ABI3BP: variants seen among roughly 807,000 people sequenced by gnomAD.
ABI3BP encodes the protein ABI family member 3 binding protein.
Under a neutral mutation model 268.6 loss-of-function variants are expected in ABI3BP, and 216 were observed. The ratio of observed to expected loss-of-function variants is 0.80; its 90% CI spans 0.72 to 0.90. The LOEUF (loss-of-function observed/expected upper bound fraction) is 0.90, where lower values mean the gene tolerates loss of function less well. Ranked by LOEUF, ABI3BP falls within the 40% of genes least tolerant of loss-of-function variation. The pLI, the probability that ABI3BP is intolerant of heterozygous loss-of-function variation, is 0.00. For synonymous variants in ABI3BP, 730 were observed against 730.0 expected, an observed-to-expected ratio of 1.00 and a Z score of 0.00; for missense variants, 2,090 against 2,182.4, an observed-to-expected ratio of 0.96 and a Z score of 0.84.
intron 2 of ABI3BP, among the ~76,000 whole-genome samples, chr3:100,907,491 TG>T (rs553808691): frequency 2.0e-5 from 3 of 151,564 alleles, no homozygotes; most frequent in East Asian, 1.9e-4. Context: ...GACCTTGTTT[TG>T]GGGGGGGAAT....
At chr3:100,753,303 T>C (rs1189052152) in intron 65 of ABI3BP, among the ~76,000 whole-genome samples, 3 of 151,620 alleles carry the variant, frequency 2.0e-5, no homozygotes, top group Non-Finnish European at 2.9e-5. Context: ...GGTGTTAATA[T>C]CTTTTTTTTT....
Position 100,821,035 on chromosome 3 carries a change from G to A in ABI3BP, c.2947+19C>T. The A allele has an allele frequency of 1.3e-6, 2 of 1,531,540 alleles. No homozygotes were observed. Among genetic ancestry groups the A allele is most frequent in the South Asian group, 1.2e-5 (1 of 83,936 alleles). The allele number at this position is 1,531,540 out of a possible 1,614,324, so 94.9% of individuals were successfully genotyped here. ...ATGAGAAGGAAGAACACTTAATGAGGATTGCAACGTGCTATTACCTTGTGT... is the reference window on the plus strand; with the variant it reads ...ATGAGAAGGAAGAACACTTAATGAGAATTGCAACGTGCTATTACCTTGTGT... On this transcript the variant is annotated intron_variant, in intron 39 of 67. Coordinates refer to ENST00000471714, the MANE Select transcript of ABI3BP (RefSeq NM_001375547.2).
chr3:100,967,225 G>C (rs2081670152), intron 1 of ABI3BP, among the ~76,000 whole-genome samples: 2 of 152,218 alleles, frequency 1.3e-5, no homozygotes, highest in South Asian at 2.1e-4. Context: ...TTGAGGGCTA[G>C]GTGCGGTGGC....
Position 100,862,337 on chromosome 3 carries a change from T to C in ABI3BP, c.1259A>G (p.Asp420Gly). Residue 420 changes from aspartate (D) to glycine (G), a missense_variant, in exon 14 of 68, where the codon GAT becomes GGT. Physicochemically the swap from Asp to Gly is moderately conservative, Grantham distance 94. Coordinates refer to ENST00000471714, the MANE Select transcript of ABI3BP (RefSeq NM_001375547.2). ...AGTTTGAGGCTGCAGAACTTTGGAA[T>C]CTTCAGATATTTTAGCTGTAGGCAC... ...WIVPTAKISE[D>G]SKVLQPQTAT... is the part of the protein sequence containing the mutation. 1.2e-6 allele frequency: 2 copies of C among 1,604,410 alleles called. No individual in the cohort carries two copies. Among genetic ancestry groups the C allele is most frequent in the Non-Finnish European group, 1.7e-6 (2 of 1,175,926 alleles).
At chr3:100,903,964 A>G (rs1582783748) in intron 2 of ABI3BP, among the ~76,000 whole-genome samples, 2 of 152,206 alleles carry the variant, frequency 1.3e-5, no homozygotes, top group Non-Finnish European at 2.9e-5. Context: ...TTGAAAGCAC[A>G]TCTTGCTTAG....
chr3:100,849,760 T>C (rs1434919995), intron 17 of ABI3BP, among the ~76,000 whole-genome samples: 2 of 152,208 alleles, frequency 1.3e-5, no homozygotes, highest in Admixed American at 6.5e-5. Context: ...TATTTTGAAA[T>C]AATTATCTAT....
At chr3:100,768,001 T>G (rs2096363705) in intron 62 of ABI3BP, among the ~76,000 whole-genome samples, 1 of 152,092 alleles carries the variant, frequency 6.6e-6, no homozygotes, top group Non-Finnish European at 1.5e-5. Context: ...CTCAACTGTA[T>G]GACATTCTTC....
intron 6 of ABI3BP, among the ~76,000 whole-genome samples, chr3:100,880,537 C>A (rs1168410818): frequency 1.3e-5 from 2 of 152,084 alleles, no homozygotes; most frequent in African/African-American, 4.8e-5. Flanking sequence ...TGGTTAAGAT[C>A]GTTTATTTTT....
intron 20 of ABI3BP, among the ~76,000 whole-genome samples, chr3:100,842,541 C>A (rs1409986240): frequency 6.6e-6 from 1 of 152,194 alleles, no homozygotes; most frequent in Non-Finnish European, 1.5e-5. Context: ...CATATGATGC[C>A]TCCTGTATTC....
intron 57 of ABI3BP, among the ~76,000 whole-genome samples, chr3:100,781,281 C>A (rs138370356): frequency 7.0e-4 from 107 of 152,182 alleles, no homozygotes; most frequent in African/African-American, 2.4e-3. Flanking sequence ...AGAAGCTTTG[C>A]CTCCCAAAAA....
chr3:100,959,489 C>CAAAAAAAAA (rs35465693), intron 1 of ABI3BP, among the ~76,000 whole-genome samples: 3 of 36,088 alleles, frequency 8.3e-5, no homozygotes, highest in African/African-American at 1.1e-4. Flanking sequence ...GACTCCGTCT[C>CAAAAAAAAA]AAAAAAAAAA....
At chr3:100,832,446 T>G in intron 30 of ABI3BP, 96 bp from the exon 31 acceptor site, 4 of 1,158,344 alleles carry the variant, frequency 3.5e-6, no homozygotes, top group Non-Finnish European at 4.8e-6. Flanking sequence ...CTTGTTAGAG[T>G]TTGAGTTGAC....
chr3:100,898,251 T>C (rs2048603799), intron 4 of ABI3BP, among the ~76,000 whole-genome samples: 1 of 152,196 alleles, frequency 6.6e-6, no homozygotes, highest in Admixed American at 6.5e-5. Flanking sequence ...CTGGAAGGCT[T>C]GTGAAAACAC....
chr3:100,794,015 A>G (rs1368286050), intron 54 of ABI3BP, among the ~76,000 whole-genome samples: 1 of 152,034 alleles, frequency 6.6e-6, no homozygotes, highest in Non-Finnish European at 1.5e-5. Context: ...GTTTAGTCTA[A>G]CTGTCATTCC....
chr3:100,800,638 C>T (rs1436599603), intron 51 of ABI3BP, among the ~76,000 whole-genome samples: 8 of 152,116 alleles, frequency 5.3e-5, no homozygotes, highest in East Asian at 3.9e-4. Flanking sequence ...CCACCATGCC[C>T]GGCTAATTTT....
rs538124034 is a variant in ABI3BP, at chr3:100,752,899, G to A, written c.5010C>T (p.Tyr1670=). The A allele has an allele frequency of 4.6e-5, 75 of 1,613,490 alleles. No individual in the cohort carries two copies. The East Asian group carries it at 1.5e-3, about 33-fold the overall frequency. ...CATATTGTTTGCCCTTACACTCTGA[G>A]TAAGAGTCTGAATTAAAGGGTCTTT... ...WTERPFNSDS[Y]SECKGKQYVK... The change falls in exon 66 of 68, where the codon TAC becomes TAT. Residue 1670 remains tyrosine (Y), a synonymous_variant. Coordinates refer to ENST00000471714, the MANE Select transcript of ABI3BP (RefSeq NM_001375547.2).
intron 29 of ABI3BP, 41 bp from the exon 30 acceptor site, chr3:100,833,198 A>G: frequency 6.6e-7 from 1 of 1,509,206 alleles, no homozygotes. Context: ...AAAAAGAAAT[A>G]AATGTTAAAC....
chr3:100,961,226 C>T (rs1188804313), intron 1 of ABI3BP, among the ~76,000 whole-genome samples: 1 of 152,226 alleles, frequency 6.6e-6, no homozygotes, highest in African/African-American at 2.4e-5. Flanking sequence ...ACCCCAGCTG[C>T]TCACTATCAC....
At chr3:100,880,549 C>T (rs1479109032) in intron 6 of ABI3BP, among the ~76,000 whole-genome samples, 1 of 152,124 alleles carries the variant, frequency 6.6e-6, no homozygotes, top group African/African-American at 2.4e-5. Context: ...TTTATTTTTA[C>T]TGATTTTCTG....
Sources: allele counts gnomAD v4.1 joint callset (sites outside exome capture counted in the v4.1 genomes callset), GRCh38; gene constraint gnomAD v4.1.1; transcripts MANE v1.5; gene names NCBI Gene and HGNC (gene_info 2026-07-23, HGNC 2026-07-21).